The following SSH2 variants were observed in gnomAD, a reference collection of about 807,000 sequenced individuals.
The protein encoded by SSH2 is slingshot protein phosphatase 2.
Under a neutral mutation model 135.2 loss-of-function variants are expected in SSH2, and 37 were observed. That is an observed-to-expected ratio of 0.27 (90% CI 0.21 to 0.36). The LOEUF (loss-of-function observed/expected upper bound fraction) is 0.36, where lower values mean the gene tolerates loss of function less well. SSH2 is among the 10% of genes least tolerant of loss of function. The pLI, the probability that SSH2 is intolerant of heterozygous loss-of-function variation, is 1.00. For synonymous variants in SSH2, 628 were observed against 646.2 expected, an observed-to-expected ratio of 0.97 and a Z score of 0.43; for missense variants, 1,408 against 1,765.3, an observed-to-expected ratio of 0.80 and a Z score of 3.63.
chr17:29,813,736 T>G (rs2042493280), intron 2 of SSH2, among the ~76,000 whole-genome samples: 1 of 151,518 alleles, frequency 6.6e-6, no homozygotes, highest in Admixed American at 6.6e-5. Flanking sequence ...GAGAATCGCT[T>G]GAACCCGGGA....
intron 6 of SSH2, among the ~76,000 whole-genome samples, chr17:29,679,140 C>G (rs2037857487): frequency 6.6e-6 from 1 of 152,146 alleles, no homozygotes; most frequent in African/African-American, 2.4e-5. Flanking sequence ...GAAACAGTAA[C>G]CTACCCTAGG....
chr17:29,703,945 GC>G (rs1264533445), intron 3 of SSH2, among the ~76,000 whole-genome samples: 1 of 152,178 alleles, frequency 6.6e-6, no homozygotes, highest in Non-Finnish European at 1.5e-5. Flanking sequence ...AAACCAGAAT[GC>G]CTGAGTTTGA....
chr17:29,675,791 A>T (rs1030961997), intron 8 of SSH2: 3 of 151,480 alleles, frequency 2.0e-5, no homozygotes, highest in Non-Finnish European at 2.9e-5. Context: ...ACAGAGGGAG[A>T]CCCTGTCTCT....
intron 11 of SSH2, among the ~76,000 whole-genome samples, chr17:29,661,252 T>C (rs182744335): frequency 1.3e-4 from 20 of 152,270 alleles, no homozygotes; most frequent in Admixed American, 1.0e-3. Context: ...CTATCTGATA[T>C]GGCTCATCAT....
intron 2 of SSH2, among the ~76,000 whole-genome samples, chr17:29,799,156 G>A (rs1198824636): frequency 6.6e-6 from 1 of 152,026 alleles, no homozygotes; most frequent in African/African-American, 2.4e-5. Context: ...GGTAAAATTC[G>A]AATATATCAT....
chr17:29,777,602 A>G (rs918391231), intron 3 of SSH2: 2 of 152,144 alleles, frequency 1.3e-5, no homozygotes, highest in Admixed American at 1.3e-4. Context: ...TTGAAATGTC[A>G]TTACAAACAA....
chr17:29,777,901 G>T (rs2617879), intron 3 of SSH2, among the ~76,000 whole-genome samples: 1 of 151,372 alleles, frequency 6.6e-6, no homozygotes, highest in East Asian at 1.9e-4. Context: ...GGGGCCAGCA[G>T]ATGGGAACAG....
At chr17:29,737,150 A>G (rs1177222879) in intron 3 of SSH2, among the ~76,000 whole-genome samples, 1 of 151,060 alleles carries the variant, frequency 6.6e-6, no homozygotes, top group Non-Finnish European at 1.5e-5. Context: ...ACAGTTAACA[A>G]TCCTCATCTA....
Position 29,841,981 on chromosome 17 carries a change from G to A in SSH2, c.144+6868C>T, listed in dbSNP as rs192639847. On this transcript the variant is annotated intron_variant, in intron 2 of 15. Transcript: ENST00000540801. Reference sequence around the variant, plus strand: ...ATTCCTGAGCTTAAGCGATCCTCCCGCCTCAGCCTCCCAAAGTGCTGGGAT... The same window carrying A: ...ATTCCTGAGCTTAAGCGATCCTCCCACCTCAGCCTCCCAAAGTGCTGGGAT... Among the ~76,000 whole-genome samples, 6 of 132,356 alleles carry A rather than the reference G, an allele frequency of 4.5e-5. No homozygotes were observed. In the East Asian group the frequency reaches 9.7e-4, roughly 21 times the overall value. 86.8% of individuals were successfully genotyped at this position (132,356 alleles called of 152,430 possible). A position where few individuals can be genotyped will look rare whatever the true frequency, so the allele number is the denominator to read the frequency against.
intron 1 of SSH2, among the ~76,000 whole-genome samples, chr17:29,902,641 T>G (rs2066578506): frequency 6.6e-6 from 1 of 152,150 alleles, no homozygotes; most frequent in South Asian, 2.1e-4. Flanking sequence ...AACTACTCAG[T>G]CTCTGAGAGT....
At chr17:29,701,404 C>CTTTT (rs55721735) in intron 4 of SSH2, among the ~76,000 whole-genome samples, 1 of 90,338 alleles carries the variant, frequency 1.1e-5, no homozygotes, top group African/African-American at 4.8e-5. Context: ...GTGCCTGGCT[C>CTTTT]TTTTTTTTTT....
chr17:29,831,329 G>T (rs1568000775), intron 2 of SSH2, among the ~76,000 whole-genome samples: 1 of 152,178 alleles, frequency 6.6e-6, no homozygotes, highest in Non-Finnish European at 1.5e-5. Context: ...TTGAGGAGGG[G>T]AAAGGTAAAA....
At chr17:29,661,061 C>CAA (rs374216221) in intron 11 of SSH2, among the ~76,000 whole-genome samples, 516 of 48,172 alleles carry the variant, frequency 0.011, 2 homozygotes, top group Non-Finnish European at 0.019. Context: ...AATTCCATCT[C>CAA]AAAAAAAAAA....
chr17:29,671,807 T>G lies in SSH2; in HGVS notation c.809+128A>C, dbSNP rs145528006. 3.1e-5 allele frequency: 25 copies of G among 795,320 alleles called. No homozygotes were observed. In the African/African-American group the frequency reaches 3.4e-4, roughly 11 times the overall value. The allele number at this position is 795,320 out of a possible 1,614,324, so 49.3% of individuals were successfully genotyped here. ...CTTCATATGTGGCAGACACGTGCTATTCACAATGACTAATATTCCTAGGTA... is the reference window on the plus strand; with the variant it reads ...CTTCATATGTGGCAGACACGTGCTAGTCACAATGACTAATATTCCTAGGTA... On this transcript the variant is annotated intron_variant, in intron 9 of 15. Transcript: ENST00000540801.
At chr17:29,701,404 CTTTTTT>C (rs55721735) in intron 4 of SSH2, among the ~76,000 whole-genome samples, 2 of 90,336 alleles carry the variant, frequency 2.2e-5, no homozygotes, top group Non-Finnish European at 4.1e-5. Flanking sequence ...GTGCCTGGCT[CTTTTTT>C]TTTTTTTTTT....
intron 2 of SSH2, among the ~76,000 whole-genome samples, chr17:29,839,732 A>G (rs186720993): frequency 2.0e-5 from 3 of 152,352 alleles, no homozygotes; most frequent in Non-Finnish European, 4.4e-5. Flanking sequence ...TTATTCTTGT[A>G]TAAAACTAGA....
At chr17:29,817,281 C>T (rs1279825055) in intron 2 of SSH2, among the ~76,000 whole-genome samples, 2 of 152,182 alleles carry the variant, frequency 1.3e-5, no homozygotes, top group African/African-American at 4.8e-5. Context: ...TTCCTTAAGG[C>T]TCCCATATAC....
At position 29,636,793 on chromosome 17, in the gene SSH2, C is replaced by A; in HGVS notation, c.1437G>T (p.Arg479=). ...AATGAGATCTCCATAGTTTGTTATG[C>A]CGCTGTTTGCTGTGGAGGACATACA... ...YQGILLASKQ[R]HNKLWRSHSD... The change falls in exon 15 of 16, where the codon CGG becomes CGT. Residue 479 remains arginine, a synonymous_variant. Coordinates refer to ENST00000540801, the MANE Select transcript of SSH2 (RefSeq NM_001282129.2). 6.2e-7 allele frequency: 1 copy of A among 1,605,778 alleles called. No individual in the cohort carries two copies.
At chr17:29,730,958 CT>C in intron 3 of SSH2, among the ~76,000 whole-genome samples, 1 of 152,264 alleles carries the variant, frequency 6.6e-6, no homozygotes, top group Admixed American at 6.5e-5. Flanking sequence ...TAAATCAAAC[CT>C]TTCCATAAAT....
Sources: gnomAD v4.1 joint callset for allele counts (sites outside exome capture counted in the v4.1 genomes callset) on GRCh38, gnomAD v4.1.1 for gene constraint, MANE v1.5 for transcripts, NCBI Gene and HGNC (gene_info 2026-07-23, HGNC 2026-07-21) for gene names.